The following P2RY8 variants were observed in gnomAD, a reference collection of about 807,000 sequenced individuals.
P2RY8 encodes P2Y receptor family member 8.
A neutral mutation model predicts 10.0 loss-of-function variants in P2RY8; 6 were observed. That is an observed-to-expected ratio of 0.60 (90% CI 0.33 to 1.19). The LOEUF (loss-of-function observed/expected upper bound fraction) is 1.19. P2RY8 is among the 50% of genes most tolerant of loss of function. The probability of loss-of-function intolerance (pLI) is 0.04; values close to 1 mark genes in which losing one functional copy is unlikely to be tolerated. For synonymous variants in P2RY8, 276 were observed against 252.5 expected (o/e 1.09, Z -0.88); for missense variants, 456 against 542.0 (o/e 0.84, Z 1.58).
chrX:1,489,306 A>T (rs1321846093), intron 1 of P2RY8, among the ~76,000 whole-genome samples: 1 of 151,924 alleles, frequency 6.6e-6, no homozygotes, highest in Non-Finnish European at 1.5e-5. Flanking sequence ...GGGAATGAAT[A>T]TCACTCAGAG....
rs748283800 is a variant in P2RY8 at position 1,512,503 on chromosome X, T to A, written c.-25+24418A>T. 5.8e-3 allele frequency among the ~76,000 whole-genome samples: 781 copies of A among 134,052 alleles called. 4 individuals are homozygous for A. Among genetic ancestry groups the A allele is most frequent in the Non-Finnish European group, 9.5e-3 (619 of 65,308 alleles). 87.9% of individuals were successfully genotyped at this position (134,052 alleles called of 152,430 possible). ...TGGAGGTTGCAGTGGGCTGAGATCATGCCATTGCACTCCAGCCTGGGCAAC... is the reference window on the plus strand; with the variant it reads ...TGGAGGTTGCAGTGGGCTGAGATCAAGCCATTGCACTCCAGCCTGGGCAAC... On this transcript the variant is annotated intron_variant, in intron 1 of 1. Coordinates refer to ENST00000381297, the MANE Select transcript of P2RY8 (RefSeq NM_178129.5).
intron 1 of P2RY8, among the ~76,000 whole-genome samples, chrX:1,509,815 A>AT (rs1569538174): frequency 7.0e-3 from 727 of 103,334 alleles, no homozygotes; most frequent in South Asian, 0.012. Context: ...CTATCTATCT[A>AT]TCTATCTATC....
intron 1 of P2RY8, among the ~76,000 whole-genome samples, chrX:1,523,509 T>C (rs2092407846): frequency 6.6e-6 from 1 of 151,998 alleles, no homozygotes; most frequent in Admixed American, 6.6e-5. Flanking sequence ...ATATTGCAGA[T>C]TTGTGATTGC....
chrX:1,492,962 C>T (rs559962866), intron 1 of P2RY8, among the ~76,000 whole-genome samples: 12 of 152,062 alleles, frequency 7.9e-5, no homozygotes, highest in African/African-American at 2.4e-4. Context: ...CCTCAGTTTC[C>T]GTTACTGGTA....
intron 1 of P2RY8, among the ~76,000 whole-genome samples, chrX:1,502,040 A>G (rs1448486193): frequency 2.6e-5 from 4 of 151,986 alleles, no homozygotes; most frequent in Non-Finnish European, 4.4e-5. Flanking sequence ...CCTCTTGAAT[A>G]TCTGGAACTA....
At chrX:1,471,307 CCA>C (rs1569536547) in intron 1 of P2RY8, among the ~76,000 whole-genome samples, 5 of 22,480 alleles carry the variant, frequency 2.2e-4, no homozygotes, top group East Asian at 9.5e-4. Context: ...CGCGCCCAGC[CCA>C]TTTTTTTTTT....
intron 1 of P2RY8, among the ~76,000 whole-genome samples, chrX:1,528,656 G>A (rs1367999588): frequency 2.0e-5 from 3 of 152,182 alleles, no homozygotes; most frequent in Admixed American, 6.5e-5. Context: ...CTTTGAATGC[G>A]TGTGGGTTTG....
chrX:1,473,232 A>G (rs1337866143), intron 1 of P2RY8, among the ~76,000 whole-genome samples: 1 of 129,148 alleles, frequency 7.7e-6, no homozygotes, highest in Non-Finnish European at 1.6e-5. Context: ...TGGATAGATG[A>G]GTAGGTAGAT....
chrX:1,489,057 T>C (rs183949205), intron 1 of P2RY8, among the ~76,000 whole-genome samples: 264 of 151,304 alleles, frequency 1.7e-3, no homozygotes, highest in African/African-American at 6.0e-3. Context: ...CACCCAGAGA[T>C]TCATTCCCAC....
At chrX:1,470,284 G>T (rs1295439107) in intron 1 of P2RY8, among the ~76,000 whole-genome samples, 1 of 152,152 alleles carries the variant, frequency 6.6e-6, no homozygotes, top group Non-Finnish European at 1.5e-5. Flanking sequence ...GGCCGAGGCA[G>T]GTGGATCACC....
chrX:1,479,585 T>G (rs1270230609), intron 1 of P2RY8, among the ~76,000 whole-genome samples: 2 of 152,072 alleles, frequency 1.3e-5, no homozygotes, highest in Admixed American at 6.5e-5. Context: ...AAGAAAGAAA[T>G]AAATCATAAA....
intron 1 of P2RY8, among the ~76,000 whole-genome samples, chrX:1,472,674 G>C (rs1232276745): frequency 8.7e-6 from 1 of 114,486 alleles, no homozygotes; most frequent in South Asian, 3.7e-4. Context: ...ATGGATGAAT[G>C]CATGGATGGG....
chrX:1,516,247 T>C (rs2092347977), intron 1 of P2RY8, among the ~76,000 whole-genome samples: 1 of 147,446 alleles, frequency 6.8e-6, no homozygotes. Flanking sequence ...CCGCAGAGCA[T>C]CCACGTACTC....
In P2RY8 at chrX:1,529,002, C is replaced by T. The variant is rs113850677; in HGVS notation, c.-25+7919G>A. Among the ~76,000 whole-genome samples, 1,377 of 152,290 alleles carry T rather than the reference C, an allele frequency of 9.0e-3. 4 individuals carry two copies. The highest frequency in any genetic ancestry group is 0.027 in the South Asian group (132 of 4,830). ...GTTGCATGGGACAGTATAAATGACG[C>T]TCCCCATTGATCCAGTTTTGCAAGT... On this transcript the variant is annotated intron_variant, in intron 1 of 1. Transcript: ENST00000381297.
rs376519632 is a variant in P2RY8, at chrX:1,465,171, C to T, written c.*308G>A. On this transcript the variant is annotated 3_prime_UTR_variant, in exon 2 of 2. Coordinates refer to ENST00000381297, the MANE Select transcript of P2RY8 (RefSeq NM_178129.5). ...TACTAAAAAAAATACAAAAATTAGC[C>T]GGGCGTGGTGACACAAGCTGTCCCC... 1.1e-5 allele frequency: 5 copies of T among 458,404 alleles called. No individual in the cohort carries two copies. The East Asian group carries it at 1.7e-4, about 16-fold the overall frequency. 28.4% of individuals were successfully genotyped at this position (458,404 alleles called of 1,614,324 possible).
chrX:1,499,914 A>G (rs1250780971), intron 1 of P2RY8, among the ~76,000 whole-genome samples: 3 of 151,372 alleles, frequency 2.0e-5, no homozygotes, highest in Non-Finnish European at 2.9e-5. Context: ...GCTGGAGTGC[A>G]GTGGTGTGAT....
intron 1 of P2RY8, among the ~76,000 whole-genome samples, chrX:1,474,636 G>A (rs1281691123): frequency 3.4e-5 from 5 of 146,120 alleles, no homozygotes; most frequent in Non-Finnish European, 6.0e-5. Context: ...GGATGGATCA[G>A]TGTTTAGGTG....
intron 1 of P2RY8, among the ~76,000 whole-genome samples, chrX:1,512,482 G>A (rs1212555523): frequency 2.0e-5 from 3 of 148,298 alleles, no homozygotes; most frequent in Admixed American, 6.9e-5. Context: ...GGGAGGTGGA[G>A]GTTGCAGTGG....
intron 1 of P2RY8, among the ~76,000 whole-genome samples, chrX:1,489,343 T>C (rs2092019122): frequency 1.4e-5 from 2 of 143,478 alleles, no homozygotes; most frequent in Admixed American, 7.0e-5. Flanking sequence ...GTGGAGAGAA[T>C]GAATGAATGA....
Sources: gnomAD v4.1 joint callset for allele counts (sites outside exome capture counted in the v4.1 genomes callset) on GRCh38, gnomAD v4.1.1 for gene constraint, MANE v1.5 for transcripts, NCBI Gene and HGNC (gene_info 2026-07-23, HGNC 2026-07-21) for gene names.